PCNX1: variants seen among roughly 807,000 people sequenced by gnomAD.
PCNX1 encodes the protein pecanex 1.
PCNX1 carries 78 observed loss-of-function variants against 242.2 expected under a neutral mutation model. That is an observed-to-expected ratio of 0.32 (90% CI 0.27 to 0.39). PCNX1 has a LOEUF of 0.39. PCNX1 is among the 10% of genes least tolerant of loss of function. PCNX1 has a pLI of 1.00. For synonymous variants in PCNX1, 1,024 were observed against 1,032.9 expected (o/e 0.99, Z 0.17); for missense variants, 2,581 against 2,856.5 (o/e 0.90, Z 2.20).
chr14:71,036,292 C>A (rs191976576), intron 19 of PCNX1, 135 bp downstream of exon 19: 11 of 620,702 alleles, frequency 1.8e-5, no homozygotes, highest in Non-Finnish European at 2.9e-5. Flanking sequence ...GATCCTCCCA[C>A]GTAGCTAGGA....
At chr14:70,987,148 T>G (rs2059024423) in intron 6 of PCNX1, among the ~76,000 whole-genome samples, 1 of 152,190 alleles carries the variant, frequency 6.6e-6, no homozygotes, top group Non-Finnish European at 1.5e-5. Flanking sequence ...ATTGAAGTCA[T>G]GGTTGTCAGG....
chr14:71,026,159 T>A lies in PCNX1; in HGVS notation c.3226T>A (p.Cys1076Ser). 1 of 1,610,804 alleles carries A rather than the reference T, an allele frequency of 6.2e-7. No homozygotes were observed. The highest frequency in any genetic ancestry group is 2.2e-5 in the East Asian group (1 of 44,802). The change falls in exon 14 of 36, where the codon TGC becomes AGC. Residue 1076 changes from cysteine to serine, a missense_variant. Coordinates refer to ENST00000304743, the MANE Select transcript of PCNX1 (RefSeq NM_014982.3). ...TGCCTACAGTAGACCAGTTTATTTC[T>A]GCATATGTTGCGGTCTTATTTGGCT... ...IIAYSRPVYF[C>S]ICCGLIWLLD...
At chr14:70,951,536 A>G (rs899437489) in intron 2 of PCNX1, among the ~76,000 whole-genome samples, 1 of 151,770 alleles carries the variant, frequency 6.6e-6, no homozygotes, top group Non-Finnish European at 1.5e-5. Context: ...CACCACGCCC[A>G]GCTAATTTTT....
rs3083307 is a variant in PCNX1, at chr14:71,003,080, C to CTTTTTTTTTT, written c.2630-6543_2630-6534dup. Among the ~76,000 whole-genome samples, 336 of 95,462 alleles carry CTTTTTTTTTT rather than the reference C, an allele frequency of 3.5e-3. 19 individuals carry two copies. Among genetic ancestry groups the CTTTTTTTTTT allele is most frequent in the African/African-American group, 3.8e-3 (80 of 21,296 alleles). 62.6% of individuals were successfully genotyped at this position (95,462 alleles called of 152,430 possible). On this transcript the variant is annotated intron_variant, in intron 8 of 35. Transcript: ENST00000304743. ...TAAAAATCGGGTTGTTGGTTGTCTT[C>CTTTTTTTTTT]TTTTTTTTTTTTTTTTTTTTGAGAC...
intron 24 of PCNX1, chr14:71,053,256 C>T: frequency 2.2e-6 from 1 of 450,804 alleles, no homozygotes; most frequent in South Asian, 1.6e-5. Context: ...CCTTTATACT[C>T]TTTTTTTTTC....
chr14:71,036,008 A>T (rs2060520972), intron 18 of PCNX1, 57 bp from the exon 19 acceptor site: 1 of 1,217,710 alleles, frequency 8.2e-7, no homozygotes, highest in Non-Finnish European at 1.2e-6. Flanking sequence ...GGAATAAAGG[A>T]AAAAGATTTT....
At chr14:71,079,327 G>A (rs1310873696) in intron 28 of PCNX1, among the ~76,000 whole-genome samples, 2 of 152,158 alleles carry the variant, frequency 1.3e-5, no homozygotes, top group Admixed American at 1.3e-4. Context: ...TGTCTTTATA[G>A]TAGAATGATT....
At chr14:71,077,545 C>G (rs948058998) in intron 28 of PCNX1, among the ~76,000 whole-genome samples, 1 of 152,064 alleles carries the variant, frequency 6.6e-6, no homozygotes, top group Non-Finnish European at 1.5e-5. Context: ...TCAATAAGAA[C>G]AGGAGCATCT....
intron 2 of PCNX1, among the ~76,000 whole-genome samples, chr14:70,960,602 G>T (rs1338607068): frequency 2.0e-5 from 3 of 151,910 alleles, no homozygotes; most frequent in Admixed American, 1.3e-4. Context: ...TTTGAAAACT[G>T]GCACAAGACA....
At chr14:70,953,233 C>G (rs745895782) in intron 2 of PCNX1, among the ~76,000 whole-genome samples, 1 of 152,122 alleles carries the variant, frequency 6.6e-6, no homozygotes, top group Non-Finnish European at 1.5e-5. Flanking sequence ...GGGCTTTGAT[C>G]ACACCACTGC....
chr14:70,930,663 C>T (rs1431645907), intron 1 of PCNX1, among the ~76,000 whole-genome samples: 1 of 152,126 alleles, frequency 6.6e-6, no homozygotes. Flanking sequence ...TCCAATAGCT[C>T]ACTTGTAAAC....
At chr14:71,101,191 C>T (rs1015732325) in intron 30 of PCNX1, among the ~76,000 whole-genome samples, 2 of 152,102 alleles carry the variant, frequency 1.3e-5, no homozygotes, top group Non-Finnish European at 2.9e-5. Flanking sequence ...AATTTGTCAG[C>T]CTCCCAACTA....
At position 71,057,666 on chromosome 14, in the gene PCNX1, C is replaced by T; in HGVS notation, c.4794C>T (p.His1598=). 1 of 1,613,918 alleles carries T rather than the reference C, an allele frequency of 6.2e-7. No homozygotes were observed. Among genetic ancestry groups the T allele is most frequent in the Non-Finnish European group, 8.5e-7 (1 of 1,179,832 alleles). Residue 1598 remains histidine (H), a synonymous_variant, in exon 26 of 36, where the codon CAC becomes CAT. Transcript: ENST00000304743. The part of the protein sequence containing the change: ...LASDYLNALV[H]LIEIGNGLVT... Reference sequence around the variant, plus strand: ...CTGACTATCTCAATGCATTAGTACACCTTATAGAGATAGGCAATGGTCTGG... The same window carrying T: ...CTGACTATCTCAATGCATTAGTACATCTTATAGAGATAGGCAATGGTCTGG...
intron 13 of PCNX1, among the ~76,000 whole-genome samples, chr14:71,024,538 T>C (rs2060189423): frequency 1.3e-5 from 2 of 152,164 alleles, no homozygotes; most frequent in African/African-American, 2.4e-5. Context: ...CCCTGTCTTA[T>C]GGTGCTGATG....
At chr14:70,971,570 A>C (rs1362422288) in intron 5 of PCNX1, among the ~76,000 whole-genome samples, 1 of 152,254 alleles carries the variant, frequency 6.6e-6, no homozygotes, top group Non-Finnish European at 1.5e-5. Flanking sequence ...AAAGACAAAA[A>C]GTTCCACCCT....
chr14:70,989,878 A>G (rs2059113614), intron 7 of PCNX1, among the ~76,000 whole-genome samples: 1 of 152,236 alleles, frequency 6.6e-6, no homozygotes, highest in Non-Finnish European at 1.5e-5. Context: ...TAAGCAGTGC[A>G]TATATTATAC....
intron 1 of PCNX1, among the ~76,000 whole-genome samples, chr14:70,908,428 G>GC (rs971152899): frequency 2.6e-5 from 4 of 152,072 alleles, no homozygotes; most frequent in Non-Finnish European, 4.4e-5. Flanking sequence ...ATCCGGCACT[G>GC]CCCGCCCCCG....
chr14:70,931,895 G>C (rs986048346), intron 1 of PCNX1, among the ~76,000 whole-genome samples: 2 of 152,182 alleles, frequency 1.3e-5, no homozygotes, highest in Admixed American at 6.5e-5. Context: ...AGGCCAAGGC[G>C]GGCGGATCGC....
chr14:71,011,055 G>C (rs1430442715), intron 9 of PCNX1, among the ~76,000 whole-genome samples: 1 of 152,054 alleles, frequency 6.6e-6, no homozygotes, highest in Non-Finnish European at 1.5e-5. Flanking sequence ...CTATAAATGT[G>C]GTAAAGCCTC....
Sources: allele counts gnomAD v4.1 joint callset (sites outside exome capture counted in the v4.1 genomes callset), GRCh38; gene constraint gnomAD v4.1.1; transcripts MANE v1.5; gene names NCBI Gene and HGNC (gene_info 2026-07-23, HGNC 2026-07-21).